KAZN: variants seen among roughly 807,000 people sequenced by gnomAD.
KAZN encodes kazrin, periplakin interacting protein.
KAZN carries 40 observed loss-of-function variants against 87.4 expected under a neutral mutation model. The observed-to-expected ratio is 0.46, with a 90% CI of 0.36 to 0.60. The LOEUF (loss-of-function observed/expected upper bound fraction) is 0.60, where lower values mean the gene tolerates loss of function less well. KAZN is among the 20% of genes least tolerant of loss of function. The pLI, the probability that KAZN is intolerant of heterozygous loss-of-function variation, is 0.00. For missense variants in KAZN, 898 were observed against 1,073.9 expected (o/e 0.84, Z 2.29); for synonymous variants, 466 against 458.3 (o/e 1.02, Z -0.22).
chr1:14,776,049 G>T (rs10927545), intron 1 of KAZN, among the ~76,000 whole-genome samples: 17 of 151,878 alleles, frequency 1.1e-4, no homozygotes, highest in African/African-American at 3.9e-4. Context: ...TTGCTCTGAC[G>T]CCCAGGCTGG....
At chr1:14,503,152 G>A (rs1451839755) in intron 2 of KAZN, among the ~76,000 whole-genome samples, 3 of 151,922 alleles carry the variant, frequency 2.0e-5, no homozygotes, top group Admixed American at 6.6e-5. Flanking sequence ...TAGGAAATGG[G>A]TCAATAGCAA....
intron 2 of KAZN, among the ~76,000 whole-genome samples, chr1:14,336,940 A>G (rs983040334): frequency 9.9e-5 from 15 of 152,082 alleles, no homozygotes; most frequent in African/African-American, 3.4e-4. Context: ...AAAGTTTTTA[A>G]TTTTTATGAA....
intron 1 of KAZN, among the ~76,000 whole-genome samples, chr1:14,643,725 C>A (rs144226262): frequency 5.9e-5 from 9 of 152,260 alleles, no homozygotes; most frequent in African/African-American, 1.9e-4. Flanking sequence ...ACTTTTAGCT[C>A]TCTGAGGAAT....
intron 4 of KAZN, among the ~76,000 whole-genome samples, chr1:15,047,817 G>A (rs558664828): frequency 6.4e-4 from 97 of 152,162 alleles, no homozygotes; most frequent in Admixed American, 1.8e-3. Flanking sequence ...AGCCAGGCCC[G>A]GGGGGATGGT....
chr1:15,030,146 G>A (rs981795832), intron 2 of KAZN, among the ~76,000 whole-genome samples: 6 of 152,182 alleles, frequency 3.9e-5, no homozygotes, highest in African/African-American at 9.6e-5. Flanking sequence ...CTAGGAGGGC[G>A]GCCAGGATCC....
intron 2 of KAZN, among the ~76,000 whole-genome samples, chr1:14,304,024 A>C (rs1397246853): frequency 1.3e-5 from 2 of 152,216 alleles, no homozygotes; most frequent in African/African-American, 4.8e-5. Flanking sequence ...TCTGCTAAAT[A>C]GCTCTTACCT....
chr1:14,177,329 C>T (rs999486026), intron 1 of KAZN, among the ~76,000 whole-genome samples: 3 of 152,024 alleles, frequency 2.0e-5, no homozygotes, highest in Non-Finnish European at 4.4e-5. Flanking sequence ...CATGTTTATG[C>T]TACTCAAACA....
chr1:14,606,419 A>G (rs671337), intron 1 of KAZN, among the ~76,000 whole-genome samples: 126,355 of 152,100 alleles, frequency 0.83, 52,781 homozygotes, highest in African/African-American at 0.92. Flanking sequence ...CTGACAAAGA[A>G]GGGACTGGAT....
At chr1:13,930,990 C>T (rs548068839) in intron 1 of KAZN, among the ~76,000 whole-genome samples, 1 of 152,152 alleles carries the variant, frequency 6.6e-6, no homozygotes, top group Non-Finnish European at 1.5e-5. Flanking sequence ...TACCTACCAC[C>T]CCTGACCCCT....
chr1:14,900,886 A>T (rs1655808108), intron 1 of KAZN, among the ~76,000 whole-genome samples: 1 of 152,164 alleles, frequency 6.6e-6, no homozygotes, highest in Non-Finnish European at 1.5e-5. Context: ...CCTTACCCAG[A>T]TCCCTGTGAT....
intron 1 of KAZN, among the ~76,000 whole-genome samples, chr1:14,057,677 G>GC (rs2101498568): frequency 6.6e-6 from 1 of 152,304 alleles, no homozygotes; most frequent in African/African-American, 2.4e-5. Flanking sequence ...AGTTCCTAAG[G>GC]CCCCGATAGG....
At chr1:15,088,558 G>A (rs1248950690) in intron 8 of KAZN, among the ~76,000 whole-genome samples, 1 of 152,214 alleles carries the variant, frequency 6.6e-6, no homozygotes, top group African/African-American at 2.4e-5. Context: ...CCTCCGCTGA[G>A]CAGCCTGGCC....
At chr1:14,786,569 G>A (rs1373884754) in intron 1 of KAZN, among the ~76,000 whole-genome samples, 4 of 152,138 alleles carry the variant, frequency 2.6e-5, no homozygotes, top group South Asian at 2.1e-4. Flanking sequence ...CACTATAAGC[G>A]CATTTCATTT....
chr1:14,771,969 C>T (rs954461902), intron 1 of KAZN, among the ~76,000 whole-genome samples: 8 of 152,142 alleles, frequency 5.3e-5, no homozygotes, highest in Admixed American at 6.5e-5. Context: ...AGACAGCAGG[C>T]AGCATCTCTG....
At chr1:14,822,303 T>C (rs1557525087) in intron 1 of KAZN, among the ~76,000 whole-genome samples, 2 of 152,138 alleles carry the variant, frequency 1.3e-5, no homozygotes, top group African/African-American at 2.4e-5. Flanking sequence ...ATTCAGGTCA[T>C]GTGTGCATGG....
chr1:13,933,270 A>T lies in KAZN; in HGVS notation c.91+39514A>T, dbSNP rs555488232. Among the ~76,000 whole-genome samples, 224 of 152,032 alleles carry T rather than the reference A, an allele frequency of 1.5e-3. 1 individual carries two copies. Among genetic ancestry groups the T allele is most frequent in the African/African-American group, 5.2e-3 (216 of 41,456 alleles). On this transcript the variant is annotated intron_variant, in intron 1 of 16. Coordinates refer to the KAZN transcript ENST00000636203. ...CACTTTGGGAGGCCGAGGCGGGTGT[A>T]TCACATGAGGTCAGGAGTTCGAGAC...
At chr1:14,781,904 G>A (rs1034318509) in intron 1 of KAZN, among the ~76,000 whole-genome samples, 15 of 152,110 alleles carry the variant, frequency 9.9e-5, no homozygotes, top group Admixed American at 3.3e-4. Context: ...GTTCATATAC[G>A]GACTGAATTC....
At chr1:14,969,291 A>G (rs1664774886) in intron 2 of KAZN, among the ~76,000 whole-genome samples, 1 of 152,040 alleles carries the variant, frequency 6.6e-6, no homozygotes, top group Admixed American at 6.5e-5. Context: ...CCACATCCGC[A>G]CTCCATTCTT....
At chr1:14,408,189 C>A (rs768870346) in intron 2 of KAZN, among the ~76,000 whole-genome samples, 2 of 152,110 alleles carry the variant, frequency 1.3e-5, no homozygotes, top group Non-Finnish European at 2.9e-5. Flanking sequence ...TTGCTGGGGT[C>A]TGGATTTTCT....
Sources: allele counts gnomAD v4.1 joint callset (sites outside exome capture counted in the v4.1 genomes callset), GRCh38; gene constraint gnomAD v4.1.1; transcripts MANE v1.5; gene names NCBI Gene and HGNC (gene_info 2026-07-23, HGNC 2026-07-21).